GREB1L: variants seen among roughly 807,000 people sequenced by gnomAD.
The protein encoded by GREB1L is GREB1 like retinoic acid receptor coactivator.
In GREB1L, 17 loss-of-function variants were observed where a neutral mutation model predicts 200.8. The ratio of observed to expected loss-of-function variants is 0.08; its 90% CI spans 0.06 to 0.13. The LOEUF is 0.13. Ranked by LOEUF, GREB1L falls within the 10% of genes least tolerant of loss-of-function variation. GREB1L has a pLI of 1.00. For synonymous variants in GREB1L, 789 were observed against 893.0 expected (o/e 0.88, Z 2.08); for missense variants, 1,657 against 2,367.7 (o/e 0.70, Z 6.23).
chr18:21,520,544 C>A, intron 31 of GREB1L, 144 bp from the exon 32 acceptor site: 1 of 854,194 alleles, frequency 1.2e-6, no homozygotes, highest in Non-Finnish European at 1.8e-6. Flanking sequence ...CTAACCAAGC[C>A]ATTTAAGTTA....
chr18:21,440,884 A>T (rs2033862064), intron 9 of GREB1L, among the ~76,000 whole-genome samples: 1 of 152,242 alleles, frequency 6.6e-6, no homozygotes, highest in African/African-American at 2.4e-5. Context: ...ACAATTGTAA[A>T]TATACTGGTT....
At chr18:21,500,395 G>A (rs1304140908) in intron 22 of GREB1L, 89 bp downstream of exon 22, 2 of 825,106 alleles carry the variant, frequency 2.4e-6, no homozygotes, top group African/African-American at 1.7e-5. Context: ...CTTGGGGGTG[G>A]AGCAGGTGTG....
At chr18:21,442,909 T>G (rs539662869) in intron 10 of GREB1L, among the ~76,000 whole-genome samples, 2 of 152,234 alleles carry the variant, frequency 1.3e-5, no homozygotes, top group Non-Finnish European at 2.9e-5. Context: ...TCTGTTTTTG[T>G]TTTTTGTCAT....
At chr18:21,287,464 CT>C (rs535271284) in intron 1 of GREB1L, among the ~76,000 whole-genome samples, 5 of 152,282 alleles carry the variant, frequency 3.3e-5, no homozygotes, top group Admixed American at 3.3e-4. Flanking sequence ...TCATCTGTAT[CT>C]TCTTTCGAAA....
At chr18:21,522,621 C>T in intron 32 of GREB1L, 37 bp from the exon 33 acceptor site, 1 of 1,462,580 alleles carries the variant, frequency 6.8e-7, no homozygotes, top group Non-Finnish European at 9.1e-7. Flanking sequence ...AATTCAATCC[C>T]TGAGCCTAGG....
chr18:21,439,059 C>A (rs1252020443), intron 7 of GREB1L, among the ~76,000 whole-genome samples: 1 of 151,344 alleles, frequency 6.6e-6, no homozygotes, highest in East Asian at 1.9e-4. Flanking sequence ...CAAAATAATT[C>A]ACAGCATGCA....
intron 15 of GREB1L, among the ~76,000 whole-genome samples, chr18:21,471,157 G>A (rs2035466951): frequency 6.6e-6 from 1 of 152,200 alleles, no homozygotes; most frequent in African/African-American, 2.4e-5. Flanking sequence ...CTGGACCTTA[G>A]CCAAAAAACC....
At chr18:21,412,340 G>A (rs1373964734) in intron 7 of GREB1L, among the ~76,000 whole-genome samples, 1 of 152,128 alleles carries the variant, frequency 6.6e-6, no homozygotes, top group East Asian at 1.9e-4. Context: ...TTGAGCCTGG[G>A]AGGTCAAGGC....
At chr18:21,421,539 A>T (rs1448212706) in intron 7 of GREB1L, among the ~76,000 whole-genome samples, 10 of 152,206 alleles carry the variant, frequency 6.6e-5, no homozygotes, top group Non-Finnish European at 1.2e-4. Flanking sequence ...AGCAAATTAT[A>T]GTCTACATTT....
rs1207832431 is a variant in GREB1L, at chr18:21,428,698, C to G, written c.833-10823C>G. ...CCGGGCTGGAGTGCAATGGCATGAT[C>G]GCGGTTTATCTCTTTTTTTTTTTTT... is the stretch of plus-strand genomic sequence containing the variant. On this transcript the variant is annotated intron_variant, in intron 7 of 32. Coordinates refer to ENST00000424526, the MANE Select transcript of GREB1L (RefSeq NM_001142966.3). 8.1e-5 allele frequency among the ~76,000 whole-genome samples: 11 copies of G among 134,990 alleles called. No individual in the cohort carries two copies. The South Asian group carries it at 2.7e-3, about 33-fold the overall frequency. 88.6% of individuals were successfully genotyped at this position (134,990 alleles called of 152,430 possible). A position where few individuals can be genotyped will look rare whatever the true frequency, so the allele number is the denominator to read the frequency against.
intron 13 of GREB1L, among the ~76,000 whole-genome samples, chr18:21,451,776 A>G (rs1316047596): frequency 6.6e-6 from 1 of 151,982 alleles, no homozygotes; most frequent in African/African-American, 2.4e-5. Context: ...GATTACAGGC[A>G]TGAACCACTG....
intron 1 of GREB1L, among the ~76,000 whole-genome samples, chr18:21,272,896 A>G (rs1249283284): frequency 6.6e-6 from 1 of 152,254 alleles, no homozygotes; most frequent in Non-Finnish European, 1.5e-5. Flanking sequence ...TTTTAAATTC[A>G]TGAAAATTTT....
chr18:21,291,683 A>G (rs1263993628), intron 1 of GREB1L, among the ~76,000 whole-genome samples: 1 of 152,190 alleles, frequency 6.6e-6, no homozygotes, highest in African/African-American at 2.4e-5. Flanking sequence ...CTTCCACAAT[A>G]TTGTGAAGAA....
chr18:21,374,159 A>C (rs553589837), intron 2 of GREB1L, among the ~76,000 whole-genome samples: 106 of 151,946 alleles, frequency 7.0e-4, no homozygotes, highest in South Asian at 1.2e-3. Flanking sequence ...ACACCACCAC[A>C]TGCCCAGTTA....
chr18:21,319,476 T>C (rs2038920131), intron 1 of GREB1L, among the ~76,000 whole-genome samples: 1 of 152,254 alleles, frequency 6.6e-6, no homozygotes, highest in Non-Finnish European at 1.5e-5. Flanking sequence ...TTTTCAGAGT[T>C]AATAAACAAA....
At chr18:21,383,072 C>A (rs1305772107) in intron 2 of GREB1L, among the ~76,000 whole-genome samples, 1 of 152,030 alleles carries the variant, frequency 6.6e-6, no homozygotes, top group Non-Finnish European at 1.5e-5. Flanking sequence ...CTTTTTCCCC[C>A]ATCTAGAGTA....
intron 2 of GREB1L, among the ~76,000 whole-genome samples, chr18:21,375,077 T>G (rs1384472478): frequency 1.3e-5 from 2 of 151,626 alleles, no homozygotes; most frequent in African/African-American, 4.8e-5. Flanking sequence ...TTTGTTTTTT[T>G]TTTTGAGATG....
At chr18:21,333,501 C>T (rs1463487139) in intron 1 of GREB1L, among the ~76,000 whole-genome samples, 1 of 151,812 alleles carries the variant, frequency 6.6e-6, no homozygotes, top group Non-Finnish European at 1.5e-5. Context: ...ATGGTGAAAC[C>T]CTGTCTCTAC....
chr18:21,246,681 G>A (rs2037608331), intron 1 of GREB1L, among the ~76,000 whole-genome samples: 1 of 152,026 alleles, frequency 6.6e-6, no homozygotes, highest in Non-Finnish European at 1.5e-5. Context: ...CAAACTAATT[G>A]TAGTTTTCTT....
Sources: allele counts gnomAD v4.1 joint callset (sites outside exome capture counted in the v4.1 genomes callset), GRCh38; gene constraint gnomAD v4.1.1; transcripts MANE v1.5; gene names NCBI Gene and HGNC (gene_info 2026-07-23, HGNC 2026-07-21).